Variants in RAD9B observed in about 807,000 individuals in gnomAD.
The protein encoded by RAD9B is cell cycle checkpoint control protein RAD9B.
RAD9B carries 41 observed loss-of-function variants against 48.3 expected under a neutral mutation model. That is an observed-to-expected ratio of 0.85 (90% confidence interval 0.66 to 1.10). RAD9B has a LOEUF of 1.10. Ranked by LOEUF, RAD9B falls within the 50% of genes least tolerant of loss-of-function variation. RAD9B has a pLI of 0.00. For missense variants in RAD9B, 444 were observed against 485.1 expected, an observed-to-expected ratio of 0.92 and a Z score of 0.80; for synonymous variants, 160 against 157.9, an observed-to-expected ratio of 1.01 and a Z score of -0.10.
In RAD9B at chr12:110,518,660, C is replaced by T; in HGVS notation, c.596-16C>T. ...GGAACTAATTTTATTCTTTATTTTC[C>T]CATAATATTAAACAGATTTGAGCAA... On this transcript the variant is annotated splice_polypyrimidine_tract_variant and intron_variant, in intron 6 of 10. Coordinates refer to ENST00000409300, the MANE Select transcript of RAD9B (RefSeq NM_001286535.2). The T allele has an allele frequency of 1.3e-6, 2 of 1,506,772 alleles. No homozygotes were observed. Among genetic ancestry groups the T allele is most frequent in the Non-Finnish European group, 9.0e-7 (1 of 1,110,986 alleles). The allele number at this position is 1,506,772 out of a possible 1,614,324, so 93.3% of individuals were successfully genotyped here.
chr12:110,508,429 C>T (rs1366307492), intron 4 of RAD9B, among the ~76,000 whole-genome samples: 2 of 152,168 alleles, frequency 1.3e-5, no homozygotes, highest in Non-Finnish European at 2.9e-5. Flanking sequence ...AAGTAGCTTA[C>T]TTGAGTCATG....
chr12:110,521,769 G>A (rs2063793460), intron 9 of RAD9B, among the ~76,000 whole-genome samples: 1 of 151,992 alleles, frequency 6.6e-6, no homozygotes, highest in Non-Finnish European at 1.5e-5. Flanking sequence ...TCTTGGCCCT[G>A]CTGGTCTTGG....
Position 110,506,709 on chromosome 12 carries a change from A to C in RAD9B, c.388+16A>C. 1 of 1,259,160 alleles carries C rather than the reference A, an allele frequency of 7.9e-7. No homozygotes were observed. Among genetic ancestry groups the C allele is most frequent in the Non-Finnish European group, 1.2e-6 (1 of 867,414 alleles). The allele number at this position is 1,259,160 out of a possible 1,614,324, so 78.0% of individuals were successfully genotyped here. A position where few individuals can be genotyped will look rare whatever the true frequency, so the allele number is the denominator to read the frequency against. On this transcript the variant is annotated intron_variant, in intron 4 of 10. Coordinates refer to ENST00000409300, the MANE Select transcript of RAD9B (RefSeq NM_001286535.2). ...TACAGACATGGTAGGTATAATTAAAAGTGGTTTAAAATACTATGTTTTTTT... is the reference window on the plus strand; with the variant it reads ...TACAGACATGGTAGGTATAATTAAACGTGGTTTAAAATACTATGTTTTTTT...
chr12:110,516,226 CA>C (rs201236068), intron 6 of RAD9B, among the ~76,000 whole-genome samples: 97 of 141,366 alleles, frequency 6.9e-4, no homozygotes, highest in African/African-American at 9.1e-4. Flanking sequence ...GATCTTGTCT[CA>C]AAAAAAAAAA....
At chr12:110,515,641 C>T (rs1163654328) in intron 6 of RAD9B, among the ~76,000 whole-genome samples, 6 of 152,240 alleles carry the variant, frequency 3.9e-5, no homozygotes, top group Non-Finnish European at 7.4e-5. Flanking sequence ...ATTGCCTGGG[C>T]GACAGAGACT....
chr12:110,517,506 C>G (rs2063637008), intron 6 of RAD9B, among the ~76,000 whole-genome samples: 1 of 151,848 alleles, frequency 6.6e-6, no homozygotes, highest in African/African-American at 2.4e-5. Flanking sequence ...TGCCTATAGT[C>G]CCAGTTACTC....
Position 110,503,833 on chromosome 12 carries a change from C to G in RAD9B, c.74C>G (p.Ser25Ter), listed in dbSNP as rs954489739. 1 of 1,605,672 alleles carries G rather than the reference C, an allele frequency of 6.2e-7. No homozygotes were observed. The highest frequency in any genetic ancestry group is 1.3e-5 in the African/African-American group (1 of 74,594). Reference protein sequence around the residue: ...KVFGKAVQALSRISDEFWLDP... With the variant: ...KVFGKAVQAL ...TTTGGGAAAGCAGTTCAAGCTCTAT[C>G]ACGAATTAGTGACGAGTTCTGGCTA... Residue 25 changes from serine to a stop codon, truncating the protein, a stop_gained, in exon 2 of 11, where the codon TCA (serine) becomes TGA (stop). Transcript: ENST00000409300. LOFTEE classifies it high-confidence loss of function.
chr12:110,507,535 TA>T (rs2063333398), intron 4 of RAD9B, among the ~76,000 whole-genome samples: 2 of 48,458 alleles, frequency 4.1e-5, no homozygotes, highest in South Asian at 1.1e-3. Context: ...GTATTAAATA[TA>T]ATACATAATA....
At chr12:110,509,536 T>C (rs1335298173) in intron 4 of RAD9B, among the ~76,000 whole-genome samples, 2 of 150,738 alleles carry the variant, frequency 1.3e-5, no homozygotes, top group Non-Finnish European at 3.0e-5. Context: ...AGCCTCCTAA[T>C]GTGCTGGAAT....
chr12:110,514,999 C>A, intron 5 of RAD9B, 51 bp from the exon 6 acceptor site: 1 of 1,135,416 alleles, frequency 8.8e-7, no homozygotes, highest in South Asian at 1.5e-5. Flanking sequence ...TAAGGTATGT[C>A]TTTCTGTTTG....
chr12:110,505,679 G>A lies in RAD9B; in HGVS notation c.180G>A (p.Val60=), dbSNP rs1184516170. 2 of 1,594,284 alleles carry A rather than the reference G, an allele frequency of 1.3e-6. No homozygotes were observed. The highest frequency in any genetic ancestry group is 1.8e-5 in the Admixed American group (1 of 56,746). The change falls in exon 3 of 11, where the codon GTG becomes GTA. Residue 60 remains valine, a synonymous_variant. Transcript: ENST00000409300. The part of the protein sequence containing the change: ...SAYGCVLFSP[V]FFQHYQWSAL... The stretch of plus-strand genomic sequence containing the variant: ...ATGGATGTGTCCTGTTCTCTCCTGT[G>A]TTTTTTCAGCATTATCAATGGTCAG...
chr12:110,508,410 G>A (rs1315682587), intron 4 of RAD9B, among the ~76,000 whole-genome samples: 5 of 152,146 alleles, frequency 3.3e-5, no homozygotes, highest in Non-Finnish European at 2.9e-5. Flanking sequence ...TTGGTATTCA[G>A]TATCTCTCAA....
chr12:110,530,524 G>T lies in RAD9B; in HGVS notation c.1126-1G>T, dbSNP rs771277343. The T allele has an allele frequency of 1.9e-5, 31 of 1,611,572 alleles. No homozygotes were observed. Among genetic ancestry groups the T allele is most frequent in the Non-Finnish European group, 2.6e-5 (31 of 1,179,254 alleles). On this transcript the variant is annotated splice_acceptor_variant, in intron 10 of 10. Transcript: ENST00000409300. LOFTEE classifies it high-confidence loss of function. ...CAATGCAGTTCCTTTTTTCCCTCCA[G>T]TTTTCTTGCATGTTCTTTGGAGCAG...
At chr12:110,529,205 T>C (rs1470891839) in intron 10 of RAD9B, among the ~76,000 whole-genome samples, 2 of 151,806 alleles carry the variant, frequency 1.3e-5, no homozygotes, top group Non-Finnish European at 2.9e-5. Context: ...TGGCAGTGGC[T>C]CAATCTCAGC....
At chr12:110,517,750 T>TCACA (rs2063646583) in intron 6 of RAD9B, among the ~76,000 whole-genome samples, 1 of 68,510 alleles carries the variant, frequency 1.5e-5, no homozygotes, top group East Asian at 4.6e-4. Context: ...CACAAAACAT[T>TCACA]GACACACACA....
chr12:110,517,315 T>C (rs960109206), intron 6 of RAD9B, among the ~76,000 whole-genome samples: 1 of 151,670 alleles, frequency 6.6e-6, no homozygotes, highest in African/African-American at 2.4e-5. Flanking sequence ...GGCAACAGAG[T>C]GAGACCCAGT....
chr12:110,530,832 GTGTA>G lies in RAD9B; in HGVS notation c.*184_*187del. The G allele has an allele frequency of 7.2e-7, 1 of 1,387,610 alleles. No individual in the cohort carries two copies. The highest frequency in any genetic ancestry group is 9.3e-7 in the Non-Finnish European group (1 of 1,070,604). 86.0% of individuals were successfully genotyped at this position (1,387,610 alleles called of 1,614,324 possible). A position where few individuals can be genotyped will look rare whatever the true frequency, so the allele number is the denominator to read the frequency against. Reference sequence around the variant, plus strand: ...ATATCTAGAAATAGCTGTTTGTCAAGTGTATGTAACTTGCTTTAAATCCATTATG... The same window carrying G: ...ATATCTAGAAATAGCTGTTTGTCAAGTGTAACTTGCTTTAAATCCATTATG... On this transcript the variant is annotated 3_prime_UTR_variant, in exon 11 of 11. Transcript: ENST00000409300.
In RAD9B at chr12:110,531,735, T is replaced by A; in HGVS notation, c.*1082T>A. ...GCCCTTTAAGAGTTAGCTTTTTACC[T>A]GCACAAATGGACTAAAAAATCTGGC... On this transcript the variant is annotated 3_prime_UTR_variant, in exon 11 of 11. Coordinates refer to ENST00000409300, the MANE Select transcript of RAD9B (RefSeq NM_001286535.2). 1 of 1,076,062 alleles carries A rather than the reference T, an allele frequency of 9.3e-7. No individual in the cohort carries two copies. The highest frequency in any genetic ancestry group is 1.4e-6 in the Non-Finnish European group (1 of 740,208). 66.7% of individuals were successfully genotyped at this position (1,076,062 alleles called of 1,614,324 possible). A position where few individuals can be genotyped will look rare whatever the true frequency, so the allele number is the denominator to read the frequency against.
At chr12:110,517,738 AAC>A (rs1039728662) in intron 6 of RAD9B, among the ~76,000 whole-genome samples, 11 of 146,278 alleles carry the variant, frequency 7.5e-5, no homozygotes, top group African/African-American at 2.8e-4. Context: ...TGTAGTGGAA[AAC>A]ACAAAACATT....
Sources: allele counts gnomAD v4.1 joint callset (sites outside exome capture counted in the v4.1 genomes callset), GRCh38; gene constraint gnomAD v4.1.1; transcripts MANE v1.5; gene names NCBI Gene and HGNC (gene_info 2026-07-23, HGNC 2026-07-21).